Variants in NELL2 observed in about 807,000 individuals in gnomAD.
NELL2 encodes the protein protein kinase C-binding protein NELL2.
NELL2 carries 41 observed loss-of-function variants against 109.6 expected under a neutral mutation model. That is an observed-to-expected ratio of 0.37 (90% CI 0.29 to 0.49). The LOEUF (loss-of-function observed/expected upper bound fraction) is 0.49. Among genes scored for constraint, NELL2 ranks in the 20% least tolerant of loss-of-function variants. The pLI is 0.98. For synonymous variants in NELL2, 355 were observed against 344.7 expected, an observed-to-expected ratio of 1.03 and a Z score of -0.33; for missense variants, 900 against 1,008.3, an observed-to-expected ratio of 0.89 and a Z score of 1.45.
In NELL2 at chr12:44,816,138, TA is replaced by T. The variant is rs1262112800; in HGVS notation, c.185-3del. ...ATGCTTTTATGCTTCTGGGAGTATCTAAAAAAGAAACAAACATATACTAAGA... is the reference window on the plus strand; with the variant it reads ...ATGCTTTTATGCTTCTGGGAGTATCTAAAAAGAAACAAACATATACTAAGA... On this transcript the variant is annotated splice_region_variant and splice_polypyrimidine_tract_variant and intron_variant, in intron 2 of 19. Coordinates refer to ENST00000429094, the MANE Select transcript of NELL2 (RefSeq NM_001145108.2). The T allele has an allele frequency of 6.3e-7, 1 of 1,582,912 alleles. No individual in the cohort carries two copies.
intron 15 of NELL2, among the ~76,000 whole-genome samples, chr12:44,562,179 A>C (rs1943490615): frequency 6.6e-6 from 1 of 152,244 alleles, no homozygotes; most frequent in South Asian, 2.1e-4. Flanking sequence ...GATGGATTAA[A>C]GACTTAAATG....
intron 9 of NELL2, among the ~76,000 whole-genome samples, chr12:44,744,034 G>T (rs1047069861): frequency 6.6e-6 from 1 of 151,970 alleles, no homozygotes; most frequent in African/African-American, 2.4e-5. Flanking sequence ...CTCCAAAATT[G>T]ACCACATAGT....
intron 12 of NELL2, among the ~76,000 whole-genome samples, chr12:44,681,388 A>C (rs1948497238): frequency 6.8e-6 from 1 of 147,630 alleles, no homozygotes. Context: ...ACCCTTTTTT[A>C]TTTATTTTTA....
chr12:44,626,953 T>C (rs1456387835), intron 13 of NELL2, among the ~76,000 whole-genome samples: 1 of 152,206 alleles, frequency 6.6e-6, no homozygotes, highest in Non-Finnish European at 1.5e-5. Flanking sequence ...TTAATCTTGG[T>C]TTATTTTTTG....
intron 2 of NELL2, among the ~76,000 whole-genome samples, chr12:44,833,266 A>G (rs1227764831): frequency 6.6e-6 from 1 of 152,218 alleles, no homozygotes; most frequent in Non-Finnish European, 1.5e-5. Context: ...ACAGAGGAGA[A>G]CTGGGCATCA....
chr12:44,735,396 T>C (rs1404528136), intron 9 of NELL2, among the ~76,000 whole-genome samples: 1 of 151,850 alleles, frequency 6.6e-6, no homozygotes, highest in Non-Finnish European at 1.5e-5. Context: ...GCATAATACA[T>C]AAATGTAAAT....
intron 1 of NELL2, among the ~76,000 whole-genome samples, chr12:44,900,543 AAAG>A (rs1417805303): frequency 1.3e-5 from 2 of 152,164 alleles, no homozygotes; most frequent in Non-Finnish European, 1.5e-5. Flanking sequence ...AGGCAGAAAT[AAAG>A]AAGTTCTTTG....
intron 19 of NELL2, among the ~76,000 whole-genome samples, chr12:44,513,599 T>C (rs1213681467): frequency 2.0e-5 from 3 of 151,890 alleles, no homozygotes; most frequent in Non-Finnish European, 4.4e-5. Flanking sequence ...TAAGTGGAAA[T>C]TCTGGAACTG....
At chr12:44,827,615 C>A (rs1301505271) in intron 2 of NELL2, among the ~76,000 whole-genome samples, 1 of 152,096 alleles carries the variant, frequency 6.6e-6, no homozygotes, top group Non-Finnish European at 1.5e-5. Context: ...TTAACATAAA[C>A]ACCTCCAGTT....
chr12:44,729,321 A>G (rs1939241492), intron 9 of NELL2, among the ~76,000 whole-genome samples: 1 of 152,070 alleles, frequency 6.6e-6, no homozygotes, highest in Non-Finnish European at 1.5e-5. Context: ...GCCCCATGGT[A>G]ACAACAACAA....
intron 9 of NELL2, among the ~76,000 whole-genome samples, chr12:44,748,113 T>C (rs958592038): frequency 2.6e-5 from 4 of 152,180 alleles, no homozygotes; most frequent in African/African-American, 2.4e-5. Flanking sequence ...GTAAATTAGC[T>C]GCACTTAGTG....
intron 14 of NELL2, among the ~76,000 whole-genome samples, chr12:44,609,582 A>C (rs1219966329): frequency 6.6e-6 from 1 of 152,104 alleles, no homozygotes; most frequent in Non-Finnish European, 1.5e-5. Flanking sequence ...ACATTCTAAA[A>C]GTCTAGCTTT....
Position 44,518,540 on chromosome 12 carries a change from C to T in NELL2, c.2400+1465G>A, listed in dbSNP as rs545517689. ...GATTACAGGCGTGAGCCACCGTGCCCGGCCTCATTCAAATTCTTTACCCCA... is the reference window on the plus strand; with the variant it reads ...GATTACAGGCGTGAGCCACCGTGCCTGGCCTCATTCAAATTCTTTACCCCA... On this transcript the variant is annotated intron_variant, in intron 19 of 19. Transcript: ENST00000429094. Among the ~76,000 whole-genome samples, 8 of 152,260 alleles carry T rather than the reference C, an allele frequency of 5.3e-5. No homozygotes were observed. The South Asian group carries it at 6.2e-4, about 12-fold the overall frequency.
chr12:44,723,005 G>A (rs886252321), intron 9 of NELL2, among the ~76,000 whole-genome samples: 3 of 152,128 alleles, frequency 2.0e-5, no homozygotes, highest in Admixed American at 6.5e-5. Flanking sequence ...TGGCTAACAC[G>A]GTGAAACCCC....
chr12:44,886,432 G>T (rs1592704241), intron 1 of NELL2, among the ~76,000 whole-genome samples: 1 of 151,940 alleles, frequency 6.6e-6, no homozygotes, highest in Admixed American at 6.5e-5. Context: ...TAAAGGACTT[G>T]TATTCAGATT....
At chr12:44,652,239 T>G (rs774131102) in intron 13 of NELL2, among the ~76,000 whole-genome samples, 1 of 152,180 alleles carries the variant, frequency 6.6e-6, no homozygotes, top group Non-Finnish European at 1.5e-5. Context: ...GTTTCCAAAA[T>G]TACTGTCTGT....
intron 5 of NELL2, among the ~76,000 whole-genome samples, chr12:44,779,076 T>C (rs1250253585): frequency 6.6e-6 from 1 of 152,224 alleles, no homozygotes; most frequent in Non-Finnish European, 1.5e-5. Flanking sequence ...CTCTGGACTT[T>C]ATTTCTTCAT....
chr12:44,816,006 T>C lies in NELL2; in HGVS notation c.315A>G (p.Ser105=). 1 of 1,612,012 alleles carries C rather than the reference T, an allele frequency of 6.2e-7. No individual in the cohort carries two copies. The highest frequency in any genetic ancestry group is 8.5e-7 in the Non-Finnish European group (1 of 1,179,526). ...QTHLNSGVIL[S]IHHLDHRYLE... ...TTTACCTGTGATCCAAGTGGTGAAT[T>C]GAGAGAATAACTCCTGAATTTAAGT... Residue 105 remains serine (S), a synonymous_variant, in exon 3 of 20, where the codon TCA becomes TCG. Coordinates refer to ENST00000429094, the MANE Select transcript of NELL2 (RefSeq NM_001145108.2).
At chr12:44,630,985 A>C (rs185580587) in intron 13 of NELL2, among the ~76,000 whole-genome samples, 1 of 151,916 alleles carries the variant, frequency 6.6e-6, no homozygotes, top group African/African-American at 2.4e-5. Context: ...GTTTACCCAA[A>C]TTCTATCTCT....
Sources: gnomAD v4.1 joint callset for allele counts (sites outside exome capture counted in the v4.1 genomes callset) on GRCh38, gnomAD v4.1.1 for gene constraint, MANE v1.5 for transcripts, NCBI Gene and HGNC (gene_info 2026-07-23, HGNC 2026-07-21) for gene names.